Variants in KIAA1328 observed in about 807,000 individuals in gnomAD.
KIAA1328 encodes protein hinderin.
KIAA1328 carries 52 observed loss-of-function variants against 68.1 expected under a neutral mutation model. That is an observed-to-expected ratio of 0.76 (90% CI 0.61 to 0.96). The LOEUF (loss-of-function observed/expected upper bound fraction) is 0.96. KIAA1328 is among the 40% of genes least tolerant of loss of function. KIAA1328 has a pLI of 0.00. For missense variants in KIAA1328, 641 were observed against 677.6 expected (o/e 0.95, Z 0.60); for synonymous variants, 232 against 239.4 (o/e 0.97, Z 0.28).
Position 37,222,410 on chromosome 18 carries a change from G to C in KIAA1328, c.*183G>C, listed in dbSNP as rs1004769339. ...CCCAGGTTATTTTCAATCAGACCAG[G>C]CATTCGATAACACACTAAGGGGGTA... On this transcript the variant is annotated 3_prime_UTR_variant, in exon 10 of 10. Coordinates refer to ENST00000280020, the MANE Select transcript of KIAA1328 (RefSeq NM_020776.3). 5 of 1,430,254 alleles carry C rather than the reference G, an allele frequency of 3.5e-6. No individual in the cohort carries two copies. In the African/African-American group the frequency reaches 5.8e-5, roughly 16 times the overall value. 88.6% of individuals were successfully genotyped at this position (1,430,254 alleles called of 1,614,324 possible).
At chr18:36,916,591 A>G (rs944081837) in intron 5 of KIAA1328, among the ~76,000 whole-genome samples, 11 of 152,038 alleles carry the variant, frequency 7.2e-5, no homozygotes, top group Non-Finnish European at 1.6e-4. Flanking sequence ...CCATTTACTG[A>G]TCACTTGTAC....
intron 7 of KIAA1328, among the ~76,000 whole-genome samples, chr18:37,157,807 C>CAAAAAAAA (rs542590805): frequency 3.6e-5 from 2 of 55,402 alleles, no homozygotes; most frequent in African/African-American, 7.4e-5. Context: ...GACTCCTCTC[C>CAAAAAAAA]AAAAAAAAAA....
intron 6 of KIAA1328, among the ~76,000 whole-genome samples, chr18:37,036,992 T>G (rs950303172): frequency 6.6e-6 from 1 of 152,308 alleles, no homozygotes; most frequent in African/African-American, 2.4e-5. Context: ...TTTCTTGTAG[T>G]AATTTTTTGA....
At chr18:36,858,255 A>G (rs1367694886) in intron 4 of KIAA1328, among the ~76,000 whole-genome samples, 1 of 152,112 alleles carries the variant, frequency 6.6e-6, no homozygotes, top group Non-Finnish European at 1.5e-5. Flanking sequence ...TGCCCCCTTC[A>G]TCCCTGCTAA....
At chr18:36,936,973 A>G (rs1229767429) in intron 5 of KIAA1328, among the ~76,000 whole-genome samples, 1 of 152,228 alleles carries the variant, frequency 6.6e-6, no homozygotes, top group East Asian at 1.9e-4. Context: ...ACAAGGCTAC[A>G]GTAACCAAAA....
At chr18:36,829,385 G>T (rs772412334) in intron 1 of KIAA1328, 189 bp downstream of exon 1, 1 of 1,371,944 alleles carries the variant, frequency 7.3e-7, no homozygotes, top group African/African-American at 1.5e-5. Context: ...CGAGAGACTG[G>T]TACTGTCTGC....
chr18:36,942,920 A>G (rs1214813804), intron 5 of KIAA1328, among the ~76,000 whole-genome samples: 1 of 152,228 alleles, frequency 6.6e-6, no homozygotes, highest in Non-Finnish European at 1.5e-5. Flanking sequence ...GAGACAGAAC[A>G]TTCCCAAATT....
chr18:37,055,442 G>A (rs1254050824), intron 6 of KIAA1328, among the ~76,000 whole-genome samples: 1 of 152,184 alleles, frequency 6.6e-6, no homozygotes, highest in Middle Eastern at 3.2e-3. Context: ...TAGTTCATAT[G>A]CTTAGAAGGT....
chr18:36,871,552 A>G (rs1401428761), intron 4 of KIAA1328, among the ~76,000 whole-genome samples: 1 of 152,132 alleles, frequency 6.6e-6, no homozygotes, highest in Non-Finnish European at 1.5e-5. Flanking sequence ...CCAGCCTTGG[A>G]AATAAGAAAT....
At chr18:37,221,495 G>A (rs140225981) in intron 9 of KIAA1328, among the ~76,000 whole-genome samples, 124 of 152,268 alleles carry the variant, frequency 8.1e-4, no homozygotes, top group Middle Eastern at 6.8e-3. Flanking sequence ...TAGTGTCCTG[G>A]ATGAGAGTGC....
intron 5 of KIAA1328, among the ~76,000 whole-genome samples, chr18:36,923,160 T>C (rs1353426660): frequency 6.6e-6 from 1 of 152,100 alleles, no homozygotes; most frequent in Non-Finnish European, 1.5e-5. Context: ...CTTAGATGTA[T>C]CTAAAGCAGT....
intron 9 of KIAA1328, chr18:37,193,457 G>A (rs1269114333): frequency 3.2e-6 from 2 of 620,958 alleles, no homozygotes; most frequent in Non-Finnish European, 5.7e-6. Context: ...TAGGTCAAAT[G>A]TTGCTACCAA....
At chr18:37,069,595 ATTC>A (rs945966380) in intron 7 of KIAA1328, among the ~76,000 whole-genome samples, 3 of 151,994 alleles carry the variant, frequency 2.0e-5, no homozygotes, top group African/African-American at 7.3e-5. Context: ...ATTGGTGTTA[ATTC>A]TTCTTTAAAT....
In KIAA1328 at chr18:36,953,995, CT is replaced by C. The variant is rs71168249; in HGVS notation, c.449-5295del. ...ATATATTGAATTTGTCTGATTGTTT[CT>C]TTTTTTTTTTTTTTTTTGAGACGGA... On this transcript the variant is annotated intron_variant, in intron 5 of 9. Coordinates refer to ENST00000280020, the MANE Select transcript of KIAA1328 (RefSeq NM_020776.3). Among the ~76,000 whole-genome samples, 245 of 113,536 alleles carry C rather than the reference CT, an allele frequency of 2.2e-3. 3 individuals are homozygous for C. Among genetic ancestry groups the C allele is most frequent in the Non-Finnish European group, 3.3e-3 (188 of 57,152 alleles). 74.5% of individuals were successfully genotyped at this position (113,536 alleles called of 152,430 possible).
At chr18:37,127,012 GACT>G (rs1376635505) in intron 7 of KIAA1328, among the ~76,000 whole-genome samples, 6 of 152,096 alleles carry the variant, frequency 3.9e-5, no homozygotes, top group African/African-American at 1.4e-4. Context: ...ACCCTACTAA[GACT>G]GGAAACAAGG....
Position 37,224,654 on chromosome 18 carries a change from G to T in KIAA1328, c.*2427G>T, listed in dbSNP as rs2060616516. 4 of 985,378 alleles carry T rather than the reference G, an allele frequency of 4.1e-6. No individual in the cohort carries two copies. The highest frequency in any genetic ancestry group is 4.8e-6 in the Non-Finnish European group (4 of 829,920). The allele number at this position is 985,378 out of a possible 1,614,324, so 61.0% of individuals were successfully genotyped here. On this transcript the variant is annotated 3_prime_UTR_variant, in exon 10 of 10. Transcript: ENST00000280020. ...GTTGTTACAGAGCCTCAAAGCTGTTGCAGACTATCCCAAGAGAAAGGATCT... is the reference window on the plus strand; with the variant it reads ...GTTGTTACAGAGCCTCAAAGCTGTTTCAGACTATCCCAAGAGAAAGGATCT...
In KIAA1328 at chr18:37,160,307, T is replaced by C. The variant is rs775062815; in HGVS notation, c.1340T>C (p.Val447Ala). Residue 447 changes from valine to alanine, a missense_variant, in exon 8 of 10, where the codon GTT (valine) becomes GCT (alanine). Val to Ala is a moderately conservative substitution (Grantham distance 64). Transcript: ENST00000280020. ...GAGAATAGGAAGGAGAGGAAGACAG[T>C]TGGGTTTCATTCGCATATGAAAGAT... is the stretch of plus-strand genomic sequence containing the variant. ...SGENRKERKT[V>A]GFHSHMKDDA... 4 of 1,613,490 alleles carry C rather than the reference T, an allele frequency of 2.5e-6. No homozygotes were observed. Among genetic ancestry groups the C allele is most frequent in the East Asian group, 2.2e-5 (1 of 44,848 alleles).
intron 9 of KIAA1328, among the ~76,000 whole-genome samples, chr18:37,216,682 C>G (rs2154221910): frequency 6.6e-6 from 1 of 152,164 alleles, no homozygotes; most frequent in South Asian, 2.1e-4. Context: ...TCCTGGATAT[C>G]CTTGTTAACC....
intron 9 of KIAA1328, among the ~76,000 whole-genome samples, chr18:37,210,488 G>GGCC (rs1202412295): frequency 6.6e-6 from 1 of 152,292 alleles, no homozygotes; most frequent in East Asian, 1.9e-4. Context: ...AGGTAAGACA[G>GGCC]GCCAATATAG....
Sources: allele counts gnomAD v4.1 joint callset (sites outside exome capture counted in the v4.1 genomes callset), GRCh38; gene constraint gnomAD v4.1.1; transcripts MANE v1.5; gene names NCBI Gene and HGNC (gene_info 2026-07-23, HGNC 2026-07-21).